The following GLIS3 variants were observed in gnomAD, a reference collection of about 807,000 sequenced individuals.
GLIS3 encodes GLIS family zinc finger 3, also known as zinc finger protein GLIS3.
A neutral mutation model predicts 78.6 loss-of-function variants in GLIS3; 53 were observed. That is an observed-to-expected ratio of 0.67 (90% CI 0.54 to 0.85). The LOEUF (loss-of-function observed/expected upper bound fraction) is 0.85. Among genes scored for constraint, GLIS3 ranks in the 40% least tolerant of loss-of-function variants. GLIS3 has a pLI of 0.00. For missense variants in GLIS3, 1,703 were observed against 1,231.1 expected (o/e 1.38, Z -5.74); for synonymous variants, 684 against 509.9 (o/e 1.34, Z -4.60).
At chr9:4,007,979 G>C (rs1821696381) in intron 4 of GLIS3, among the ~76,000 whole-genome samples, 2 of 151,970 alleles carry the variant, frequency 1.3e-5, no homozygotes, top group African/African-American at 4.8e-5. Flanking sequence ...CTGTCAGTGT[G>C]CTTCTCTGTG....
chr9:4,160,300 G>A (rs1229043195), intron 2 of GLIS3, among the ~76,000 whole-genome samples: 1 of 152,214 alleles, frequency 6.6e-6, no homozygotes, highest in Non-Finnish European at 1.5e-5. Flanking sequence ...GCACTGACAG[G>A]CTTCAAGACC....
At chr9:4,186,468 T>A (rs892261351) in intron 2 of GLIS3, among the ~76,000 whole-genome samples, 5 of 151,990 alleles carry the variant, frequency 3.3e-5, no homozygotes, top group African/African-American at 9.7e-5. Flanking sequence ...TATGTGTGCA[T>A]GTGTCTTTAT....
In GLIS3 at chr9:4,259,055, G is replaced by C. The variant is rs1344835724; in HGVS notation, c.388+26983C>G. Among the ~76,000 whole-genome samples, 10 of 152,146 alleles carry C rather than the reference G, an allele frequency of 6.6e-5. No homozygotes were observed. In the East Asian group the frequency reaches 1.6e-3, roughly 24 times the overall value. ...ATCTCCTGCCTGCTGCTGCCTCCCT[G>C]CATAACTCCTCCCCAAACATTCCAG... On this transcript the variant is annotated intron_variant, in intron 2 of 10. Coordinates refer to ENST00000381971, the MANE Select transcript of GLIS3 (RefSeq NM_001042413.2).
intron 2 of GLIS3, among the ~76,000 whole-genome samples, chr9:4,343,937 G>T (rs1444842039): frequency 1.3e-5 from 2 of 151,958 alleles, no homozygotes; most frequent in Non-Finnish European, 2.9e-5. Context: ...TGGGAGGAGG[G>T]TGAGGACTGA....
the GLIS3 span, among the ~76,000 whole-genome samples, chr9:4,359,938 T>C: frequency 5.3e-5 from 8 of 152,058 alleles, no homozygotes; most frequent in Non-Finnish European, 7.4e-5. Flanking sequence ...TACTTATATA[T>C]ACATTTATTT....
chr9:4,146,421 T>C (rs944901679), intron 2 of GLIS3, among the ~76,000 whole-genome samples: 11 of 152,192 alleles, frequency 7.2e-5, no homozygotes, highest in Middle Eastern at 3.2e-3. Context: ...AAAAATACCT[T>C]TTGGAAATAT....
intron 2 of GLIS3, among the ~76,000 whole-genome samples, chr9:4,223,057 T>G (rs971539863): frequency 2.0e-5 from 3 of 152,104 alleles, no homozygotes; most frequent in African/African-American, 7.2e-5. Context: ...ACTTTTTGAG[T>G]ACAGACATCT....
the GLIS3 span, among the ~76,000 whole-genome samples, chr9:4,435,683 C>T: frequency 3.9e-5 from 6 of 152,194 alleles, no homozygotes; most frequent in African/African-American, 9.7e-5. Flanking sequence ...GGCGCGGTGG[C>T]TCACGCCTGT....
chr9:4,371,371 G>A, the GLIS3 span, among the ~76,000 whole-genome samples: 5 of 152,208 alleles, frequency 3.3e-5, no homozygotes, highest in African/African-American at 7.2e-5. Flanking sequence ...CACTGGATAT[G>A]ACCTCAGTCG....
chr9:3,867,734 C>CGT (rs925289052), intron 8 of GLIS3, among the ~76,000 whole-genome samples: 39 of 14,958 alleles, frequency 2.6e-3, no homozygotes, highest in African/African-American at 4.2e-3. Context: ...TGTGTGCGTG[C>CGT]GTGTGTGTGT....
intron 2 of GLIS3, among the ~76,000 whole-genome samples, chr9:4,211,910 A>C (rs1480570821): frequency 6.6e-6 from 1 of 152,268 alleles, no homozygotes; most frequent in Non-Finnish European, 1.5e-5. Flanking sequence ...AAGTGAAAGA[A>C]GCCAGACACA....
intron 4 of GLIS3, among the ~76,000 whole-genome samples, chr9:3,976,550 T>A (rs1339469055): frequency 1.3e-5 from 2 of 151,660 alleles, no homozygotes; most frequent in African/African-American, 4.8e-5. Context: ...GGAAAAGGAC[T>A]CTTGAAATGC....
the GLIS3 span, among the ~76,000 whole-genome samples, chr9:4,395,752 T>C: frequency 2.0e-5 from 3 of 151,482 alleles, no homozygotes; most frequent in Admixed American, 6.6e-5. Context: ...GAATAATTGG[T>C]CACCATTTTC....
chr9:3,963,913 A>T (rs1817745832), intron 4 of GLIS3, among the ~76,000 whole-genome samples: 1 of 152,168 alleles, frequency 6.6e-6, no homozygotes, highest in Admixed American at 6.5e-5. Context: ...CCATGAAACT[A>T]CAGTGAACCA....
At chr9:4,059,010 A>C (rs1252901089) in intron 4 of GLIS3, among the ~76,000 whole-genome samples, 1 of 152,000 alleles carries the variant, frequency 6.6e-6, no homozygotes, top group Non-Finnish European at 1.5e-5. Flanking sequence ...AGAAAAAAAG[A>C]AAAGGCCTCA....
At chr9:4,137,512 C>T (rs1328899689) in intron 2 of GLIS3, among the ~76,000 whole-genome samples, 1 of 152,198 alleles carries the variant, frequency 6.6e-6, no homozygotes, top group Non-Finnish European at 1.5e-5. Flanking sequence ...ATATTCCTTT[C>T]TGTACCACTC....
intron 2 of GLIS3, among the ~76,000 whole-genome samples, chr9:4,130,387 G>T (rs1832886062): frequency 6.6e-6 from 1 of 152,188 alleles, no homozygotes; most frequent in Non-Finnish European, 1.5e-5. Flanking sequence ...GAACTTTCTG[G>T]CAGCACCTCT....
the GLIS3 span, among the ~76,000 whole-genome samples, chr9:4,473,885 C>T: frequency 2.6e-5 from 4 of 152,052 alleles, no homozygotes; most frequent in East Asian, 7.7e-4. Flanking sequence ...ATGCACAAGA[C>T]CTGTATGTAG....
chr9:4,291,778 G>A (rs1323468321), intron 1 of GLIS3, among the ~76,000 whole-genome samples: 1 of 152,124 alleles, frequency 6.6e-6, no homozygotes, highest in Non-Finnish European at 1.5e-5. Context: ...TACACCGCTC[G>A]AGGGCAATAT....
Sources: allele counts gnomAD v4.1 joint callset (sites outside exome capture counted in the v4.1 genomes callset), GRCh38; gene constraint gnomAD v4.1.1; transcripts MANE v1.5; gene names NCBI Gene and HGNC (gene_info 2026-07-23, HGNC 2026-07-21).